SENP1: variants seen among roughly 807,000 people sequenced by gnomAD.
The protein encoded by SENP1 is sentrin-specific protease 1.
SENP1 carries 21 observed loss-of-function variants against 93.0 expected under a neutral mutation model. That is an observed-to-expected ratio of 0.23 (90% confidence interval 0.16 to 0.33). The LOEUF is 0.33. Ranked by LOEUF, SENP1 falls within the 10% of genes least tolerant of loss-of-function variation. SENP1 has a pLI of 1.00. For synonymous variants in SENP1, 256 were observed against 259.6 expected, an observed-to-expected ratio of 0.99 and a Z score of 0.13; for missense variants, 591 against 758.7, an observed-to-expected ratio of 0.78 and a Z score of 2.60.
intron 13 of SENP1, among the ~76,000 whole-genome samples, chr12:48,051,190 C>A (rs1399962547): frequency 6.6e-6 from 1 of 152,070 alleles, no homozygotes; most frequent in Non-Finnish European, 1.5e-5. Context: ...TGGACTTACA[C>A]AGCCTGAGTT....
chr12:48,047,711 GTC>G (rs1941477865), intron 15 of SENP1, among the ~76,000 whole-genome samples: 1 of 152,192 alleles, frequency 6.6e-6, no homozygotes, highest in Admixed American at 6.5e-5. Context: ...GTGGGCCTTG[GTC>G]TCTTCATCTG....
chr12:48,103,941 G>C (rs937672970), intron 1 of SENP1, among the ~76,000 whole-genome samples: 1 of 152,056 alleles, frequency 6.6e-6, no homozygotes, highest in African/African-American at 2.4e-5. Flanking sequence ...GGCTGGGCAC[G>C]GTGGCTCACA....
chr12:48,049,524 C>CTG (rs1227679411), intron 13 of SENP1, among the ~76,000 whole-genome samples: 2 of 152,176 alleles, frequency 1.3e-5, no homozygotes, highest in Non-Finnish European at 1.5e-5. Context: ...TCTACTGGAA[C>CTG]TGTGTGAGCA....
chr12:48,093,892 G>A (rs1043034068), intron 4 of SENP1, among the ~76,000 whole-genome samples: 1 of 152,166 alleles, frequency 6.6e-6, no homozygotes, highest in East Asian at 1.9e-4. Flanking sequence ...CAGCCAGGAG[G>A]TGCAGGTTGC....
rs1469976157 is a variant in SENP1, at chr12:48,043,467, C to G, written c.*1855G>C. The stretch of plus-strand genomic sequence containing the variant: ...CACCTTTCAAGTTGTTGCTTACATA[C>G]AGTAAATACCAAGAACCAGACAATA... On this transcript the variant is annotated 3_prime_UTR_variant, in exon 18 of 18. Transcript: ENST00000549518. The G allele has an allele frequency of 2.0e-5, 3 of 152,590 alleles. No homozygotes were observed. Among genetic ancestry groups the G allele is most frequent in the Non-Finnish European group, 4.4e-5 (3 of 68,038 alleles). The allele number at this position is 152,590 out of a possible 1,614,324, so 9.5% of individuals were successfully genotyped here.
intron 6 of SENP1, among the ~76,000 whole-genome samples, chr12:48,075,992 G>A (rs1391942812): frequency 1.3e-5 from 2 of 152,144 alleles, no homozygotes; most frequent in African/African-American, 4.8e-5. Flanking sequence ...TCCAAAAATA[G>A]TAAGGTCCAT....
intron 4 of SENP1, 46 bp from the exon 5 acceptor site, chr12:48,089,006 G>A: frequency 6.4e-7 from 1 of 1,573,208 alleles, no homozygotes; most frequent in Non-Finnish European, 8.7e-7. Flanking sequence ...TCTACAGGTG[G>A]TTCTCCTTAT....
At position 48,085,440 on chromosome 12, in the gene SENP1, C is replaced by T. The variant is rs151317264; in HGVS notation, c.381-1678G>A. ...GTGCTAGGGTCTTTGTGTGAGGACT[C>T]CTCACAGCCCTCAGCCCTTCCCTCA... is the stretch of plus-strand genomic sequence containing the variant. On this transcript the variant is annotated intron_variant, in intron 5 of 17. Transcript: ENST00000549518. The T allele has an allele frequency of 9.6e-4, 800 of 837,488 alleles. 3 individuals carry two copies. In the African/African-American group the frequency reaches 0.012, roughly 13 times the overall value. The allele number at this position is 837,488 out of a possible 1,614,324, so 51.9% of individuals were successfully genotyped here. A position where few individuals can be genotyped will look rare whatever the true frequency, so the allele number is the denominator to read the frequency against.
At chr12:48,091,158 A>G (rs1042226321) in intron 4 of SENP1, among the ~76,000 whole-genome samples, 1 of 152,210 alleles carries the variant, frequency 6.6e-6, no homozygotes, top group African/African-American at 2.4e-5. Context: ...ATTAAAAAAG[A>G]ATGTGTCAAG....
At chr12:48,077,133 G>A (rs1052255686) in intron 6 of SENP1, among the ~76,000 whole-genome samples, 1 of 152,186 alleles carries the variant, frequency 6.6e-6, no homozygotes, top group Non-Finnish European at 1.5e-5. Context: ...TGTTTTAACA[G>A]TTTTGTTTTC....
intron 13 of SENP1, among the ~76,000 whole-genome samples, chr12:48,053,854 A>G (rs2136817149): frequency 6.6e-6 from 1 of 152,330 alleles, no homozygotes. Context: ...GAAGTTAGAA[A>G]TACTGTATTC....
At chr12:48,079,904 G>A (rs1944391816) in intron 6 of SENP1, among the ~76,000 whole-genome samples, 1 of 152,040 alleles carries the variant, frequency 6.6e-6, no homozygotes. Flanking sequence ...ATAATTTTCT[G>A]AGTCCCAAAT....
chr12:48,098,062 C>A lies in SENP1; in HGVS notation c.67G>T (p.Val23Leu). The change falls in exon 3 of 18, where the codon GTA (valine) becomes TTA (leucine). Residue 23 changes from valine (V) to leucine (L), a missense_variant. Val to Leu is a conservative substitution (Grantham distance 32). Coordinates refer to ENST00000549518, the MANE Select transcript of SENP1 (RefSeq NM_001267594.2). Reference sequence around the variant, plus strand: ...TGTGGCAGGAGGTGGGTTTTGAATACGGAGTTGTGGTTCACTAAAGTCACT... The same window carrying A: ...TGTGGCAGGAGGTGGGTTTTGAATAAGGAGTTGTGGTTCACTAAAGTCACT... ...GEVTLVNHNS[V>L]FKTHLLPQTG... 6.2e-7 allele frequency: 1 copy of A among 1,613,492 alleles called. No homozygotes were observed.
intron 2 of SENP1, among the ~76,000 whole-genome samples, chr12:48,100,790 G>A (rs1945872892): frequency 6.6e-6 from 1 of 152,154 alleles, no homozygotes. Flanking sequence ...ATATAATAGG[G>A]ATAACAACAG....
At chr12:48,085,609 T>G (rs1944798939) in intron 5 of SENP1, among the ~76,000 whole-genome samples, 1 of 151,238 alleles carries the variant, frequency 6.6e-6, no homozygotes, top group African/African-American at 2.4e-5. Context: ...AAATCAAGGC[T>G]GGTTAAGGAA....
rs866863496 is a variant in SENP1, at chr12:48,104,275, G to A, written c.-45+1753C>T. ...GAGAGACGGGGGGGGGGGGGGGGGC[G>A]GAGGGAGGGAGAGAGAGAGAGAGAG... is the stretch of plus-strand genomic sequence containing the variant. On this transcript the variant is annotated intron_variant, in intron 1 of 17. Transcript: ENST00000549518. Among the ~76,000 whole-genome samples, 357 of 45,280 alleles carry A rather than the reference G, an allele frequency of 7.9e-3. 28 individuals carry two copies. The highest frequency in any genetic ancestry group is 8.8e-3 in the Non-Finnish European group (172 of 19,440). 29.7% of individuals were successfully genotyped at this position (45,280 alleles called of 152,430 possible).
At chr12:48,052,550 G>A (rs778473139) in intron 13 of SENP1, among the ~76,000 whole-genome samples, 4 of 152,156 alleles carry the variant, frequency 2.6e-5, no homozygotes, top group Non-Finnish European at 5.9e-5. Context: ...GAGACTAACA[G>A]CAGCATTTGA....
intron 2 of SENP1, among the ~76,000 whole-genome samples, chr12:48,099,384 C>T (rs1945772590): frequency 6.6e-6 from 1 of 151,808 alleles, no homozygotes; most frequent in African/African-American, 2.4e-5. Context: ...AAAATGCTCC[C>T]AAAAGAAACT....
Position 48,088,950 on chromosome 12 carries a change from G to C in SENP1, c.231C>G (p.Ser77=). The C allele has an allele frequency of 1.9e-6, 3 of 1,579,662 alleles. No homozygotes were observed. Among genetic ancestry groups the C allele is most frequent in the South Asian group, 1.2e-5 (1 of 86,092 alleles). Reference sequence around the variant, plus strand: ...CGCCTGAGCCAAGAAAACTGTCTGAGGAAGGATTATCTAAAAAAATAAAAG... The same window carrying C: ...CGCCTGAGCCAAGAAAACTGTCTGACGAAGGATTATCTAAAAAAATAAAAG... ...YNPSYYSDNP[S]SDSFLGSGDL... is the part of the protein sequence containing the mutation. The change falls in exon 5 of 18, where the codon TCC becomes TCG. Residue 77 remains serine, a synonymous_variant. Coordinates refer to ENST00000549518, the MANE Select transcript of SENP1 (RefSeq NM_001267594.2).
Sources: gnomAD v4.1 joint callset for allele counts (sites outside exome capture counted in the v4.1 genomes callset) on GRCh38, gnomAD v4.1.1 for gene constraint, MANE v1.5 for transcripts, NCBI Gene and HGNC (gene_info 2026-07-23, HGNC 2026-07-21) for gene names.